Variants in RALYL observed in about 807,000 individuals in gnomAD.
The protein encoded by RALYL is RNA-binding Raly-like protein.
A neutral mutation model predicts 35.1 loss-of-function variants in RALYL; 29 were observed. The observed-to-expected ratio is 0.83, with a 90% CI of 0.61 to 1.13. The LOEUF (loss-of-function observed/expected upper bound fraction) is 1.13, where lower values mean the gene tolerates loss of function less well. Ranked by LOEUF, RALYL falls within the 50% of genes most tolerant of loss-of-function variation. The probability of loss-of-function intolerance (pLI) is 0.00; values close to 1 mark genes in which losing one functional copy is unlikely to be tolerated. For missense variants in RALYL, 359 were observed against 360.4 expected (o/e 1.00, Z 0.03); for synonymous variants, 120 against 127.6 (o/e 0.94, Z 0.40).
At chr8:84,496,911 C>A (rs1454253930) in intron 1 of RALYL, among the ~76,000 whole-genome samples, 1 of 152,034 alleles carries the variant, frequency 6.6e-6, no homozygotes, top group Non-Finnish European at 1.5e-5. Flanking sequence ...CCCAGAAATG[C>A]AAGAAAACAG....
At chr8:84,622,938 G>T (rs1023766776) in intron 2 of RALYL, among the ~76,000 whole-genome samples, 1 of 152,064 alleles carries the variant, frequency 6.6e-6, no homozygotes, top group African/African-American at 2.4e-5. Flanking sequence ...ACAAATTAAA[G>T]ACTGCACCTT....
At chr8:84,876,600 A>G (rs1244776016) in intron 7 of RALYL, among the ~76,000 whole-genome samples, 1 of 152,228 alleles carries the variant, frequency 6.6e-6, no homozygotes, top group Non-Finnish European at 1.5e-5. Context: ...CAATGGGAAC[A>G]GTTACTCCAT....
chr8:84,917,802 C>T lies in RALYL; in HGVS notation c.859-3092C>T, dbSNP rs540759999. Among the ~76,000 whole-genome samples, 14 of 151,912 alleles carry T rather than the reference C, an allele frequency of 9.2e-5. No homozygotes were observed. The South Asian group carries it at 1.2e-3, about 14-fold the overall frequency. ...TGATTATTTGAGCCTAAAAATGTAA[C>T]GTAATTTGGTTCCTAAGAGTTTATT... is the stretch of plus-strand genomic sequence containing the variant. On this transcript the variant is annotated intron_variant, in intron 8 of 8. Transcript: ENST00000521268.
chr8:84,904,479 G>A (rs147325543), intron 8 of RALYL, among the ~76,000 whole-genome samples: 9 of 152,052 alleles, frequency 5.9e-5, no homozygotes, highest in African/African-American at 2.2e-4. Context: ...AAATATAAGA[G>A]AACCAAAAGA....
At chr8:84,390,572 A>T (rs904832182) in intron 1 of RALYL, among the ~76,000 whole-genome samples, 4 of 152,040 alleles carry the variant, frequency 2.6e-5, no homozygotes, top group African/African-American at 9.7e-5. Flanking sequence ...TAGTCTTGGG[A>T]GACTGTATGT....
intron 1 of RALYL, among the ~76,000 whole-genome samples, chr8:84,193,456 TA>T (rs1033305540): frequency 6.6e-6 from 1 of 152,190 alleles, no homozygotes; most frequent in Admixed American, 6.5e-5. Context: ...TTAAACTAAG[TA>T]ACTCATTATT....
At chr8:84,199,447 T>C (rs1816285743) in intron 1 of RALYL, among the ~76,000 whole-genome samples, 2 of 152,198 alleles carry the variant, frequency 1.3e-5, no homozygotes, top group East Asian at 1.9e-4. Flanking sequence ...CTATGAGTTG[T>C]CTCCTCACTT....
chr8:84,483,744 A>T (rs1255004738), intron 1 of RALYL, among the ~76,000 whole-genome samples: 1 of 152,156 alleles, frequency 6.6e-6, no homozygotes, highest in Non-Finnish European at 1.5e-5. Flanking sequence ...CTGTTCAGAG[A>T]CAAAGCATGC....
chr8:84,654,454 G>A (rs1829562033), intron 2 of RALYL, among the ~76,000 whole-genome samples: 1 of 151,246 alleles, frequency 6.6e-6, no homozygotes, highest in African/African-American at 2.4e-5. Flanking sequence ...CAATTATTCT[G>A]TTACTTATTT....
intron 2 of RALYL, among the ~76,000 whole-genome samples, chr8:84,612,423 C>T (rs560827219): frequency 2.0e-5 from 3 of 151,916 alleles, no homozygotes; most frequent in Non-Finnish European, 4.4e-5. Flanking sequence ...ACAAACTCCC[C>T]CTTTTGTAGG....
At chr8:84,638,665 A>G (rs1055556792) in intron 2 of RALYL, among the ~76,000 whole-genome samples, 2 of 150,520 alleles carry the variant, frequency 1.3e-5, no homozygotes, top group Admixed American at 1.3e-4. Context: ...TAGGGAACTA[A>G]AAGGTTCTGA....
intron 3 of RALYL, among the ~76,000 whole-genome samples, chr8:84,776,703 T>C (rs1816929523): frequency 1.3e-5 from 2 of 152,216 alleles, no homozygotes; most frequent in Admixed American, 1.3e-4. Flanking sequence ...TGCAATGATG[T>C]TAATTTTCAT....
chr8:84,655,623 A>G (rs967466295), intron 2 of RALYL, among the ~76,000 whole-genome samples: 1 of 152,116 alleles, frequency 6.6e-6, no homozygotes, highest in Non-Finnish European at 1.5e-5. Context: ...ACCACGGCCA[A>G]GGATTATTAG....
intron 1 of RALYL, among the ~76,000 whole-genome samples, chr8:84,242,452 T>A (rs1828151453): frequency 6.6e-6 from 1 of 152,208 alleles, no homozygotes; most frequent in South Asian, 2.1e-4. Context: ...TAATTTACAT[T>A]CCCACCAACA....
chr8:84,846,368 A>T (rs749875082), intron 4 of RALYL, among the ~76,000 whole-genome samples: 2 of 152,258 alleles, frequency 1.3e-5, no homozygotes, highest in Non-Finnish European at 2.9e-5. Flanking sequence ...GGTTAAATCA[A>T]TTCCTGGGTA....
chr8:84,311,547 A>G (rs1842815021), intron 1 of RALYL, among the ~76,000 whole-genome samples: 1 of 152,190 alleles, frequency 6.6e-6, no homozygotes. Context: ...TGCAAAAGCT[A>G]TATAAAGCTC....
At chr8:84,838,174 A>G (rs1742573212) in intron 4 of RALYL, among the ~76,000 whole-genome samples, 1 of 152,200 alleles carries the variant, frequency 6.6e-6, no homozygotes, top group Admixed American at 6.5e-5. Flanking sequence ...ATACAGTTCT[A>G]GGATATATAA....
At chr8:84,263,902 A>G (rs1832779297) in intron 1 of RALYL, among the ~76,000 whole-genome samples, 1 of 152,138 alleles carries the variant, frequency 6.6e-6, no homozygotes, top group South Asian at 2.1e-4. Flanking sequence ...GTTGAGGATA[A>G]TGGCTTCCAG....
intron 1 of RALYL, among the ~76,000 whole-genome samples, chr8:84,401,089 A>C (rs1189100212): frequency 6.6e-6 from 1 of 152,156 alleles, no homozygotes; most frequent in Non-Finnish European, 1.5e-5. Flanking sequence ...TGCTAATAAA[A>C]TACAAAGTTT....
Sources: allele counts gnomAD v4.1 joint callset (sites outside exome capture counted in the v4.1 genomes callset), GRCh38; gene constraint gnomAD v4.1.1; transcripts MANE v1.5; gene names NCBI Gene and HGNC (gene_info 2026-07-23, HGNC 2026-07-21).